ZNF724: variants seen among roughly 807,000 people sequenced by gnomAD.
The protein encoded by ZNF724 is zinc finger protein 724 pseudogene.
Under a neutral mutation model 29.3 loss-of-function variants are expected in ZNF724, and 14 were observed. The ratio of observed to expected loss-of-function variants is 0.48; its 90% confidence interval spans 0.32 to 0.75. ZNF724 has a LOEUF of 0.75. Among genes scored for constraint, ZNF724 ranks in the 30% least tolerant of loss-of-function variants. ZNF724 has a pLI of 0.04. For missense variants in ZNF724, 557 were observed against 571.2 expected (o/e 0.98, Z 0.25); for synonymous variants, 180 against 193.6 (o/e 0.93, Z 0.58).
At chr19:23,243,987 A>G (rs940543238) in intron 1 of ZNF724, among the ~76,000 whole-genome samples, 13 of 151,894 alleles carry the variant, frequency 8.6e-5, no homozygotes, top group Non-Finnish European at 1.9e-4. Flanking sequence ...TGCTATGCTT[A>G]GTATCTTGGT....
chr19:23,246,093 A>G (rs1972228528), intron 1 of ZNF724, among the ~76,000 whole-genome samples: 1 of 152,130 alleles, frequency 6.6e-6, no homozygotes, highest in African/African-American at 2.4e-5. Flanking sequence ...GCTTGGAGTC[A>G]CTGGGCTCAA....
At chr19:23,234,592 C>T (rs1468799209) in intron 1 of ZNF724, among the ~76,000 whole-genome samples, 1 of 152,126 alleles carries the variant, frequency 6.6e-6, no homozygotes, top group East Asian at 1.9e-4. Flanking sequence ...GCTGAGATTA[C>T]AGGCATCTGC....
rs2885604 is a variant in ZNF724, at chr19:23,223,363, T to C, written c.882A>G (p.Ser294=). 664,242 of 768,560 alleles carry C rather than the reference T, an allele frequency of 0.86. 287,410 individuals are homozygous for C. Among genetic ancestry groups the C allele is most frequent in the South Asian group, 0.93 (68,588 of 73,542 alleles). 47.6% of individuals were successfully genotyped at this position (768,560 alleles called of 1,614,324 possible). A position where few individuals can be genotyped will look rare whatever the true frequency, so the allele number is the denominator to read the frequency against. The change falls in exon 4 of 4, where the codon TCA becomes TCG. Residue 294 remains serine, a synonymous_variant. Transcript: ENST00000418100. ...TTATCTTATGTCTAGTAAGGGTTGA[T>C]GATTGGTTAAAAGCTTTGCCACATT... ...CKECGKAFNQ[S]STLTRHKIIH... is the part of the protein sequence containing the mutation.
At chr19:23,242,070 T>C (rs1042566937) in intron 1 of ZNF724, among the ~76,000 whole-genome samples, 15 of 152,074 alleles carry the variant, frequency 9.9e-5, no homozygotes, top group African/African-American at 3.6e-4. Flanking sequence ...AAGTAGCACC[T>C]CTATACATCA....
intron 1 of ZNF724, among the ~76,000 whole-genome samples, chr19:23,248,620 A>G (rs1416884228): frequency 2.6e-5 from 4 of 151,798 alleles, no homozygotes; most frequent in African/African-American, 7.3e-5. Context: ...TAGAGGAAAC[A>G]AAATTCAGGC....
Position 23,246,359 on chromosome 19 carries a change from T to C in ZNF724, c.3+3881A>G, listed in dbSNP as rs1229653841. On this transcript the variant is annotated intron_variant, in intron 1 of 3. Coordinates refer to ENST00000418100, the MANE Select transcript of ZNF724 (RefSeq NM_001355404.2). ...CTCTAGGAGGTACCAAGTTTTGTCTTATAAAATTTAGCATCGGCCGGGCGC... is the reference window on the plus strand; with the variant it reads ...CTCTAGGAGGTACCAAGTTTTGTCTCATAAAATTTAGCATCGGCCGGGCGC... Among the ~76,000 whole-genome samples the C allele has an allele frequency of 3.9e-5, 6 of 152,118 alleles. No homozygotes were observed. The East Asian group carries it at 9.6e-4, about 24-fold the overall frequency.
intron 3 of ZNF724, among the ~76,000 whole-genome samples, chr19:23,230,549 AACC>A: frequency 6.6e-6 from 1 of 152,324 alleles, no homozygotes; most frequent in Admixed American, 6.5e-5. Context: ...ATGAAACAGA[AACC>A]ACTACTCTCA....
chr19:23,249,533 G>T (rs1206754190), intron 1 of ZNF724, among the ~76,000 whole-genome samples: 2 of 152,004 alleles, frequency 1.3e-5, no homozygotes, highest in Admixed American at 6.6e-5. Context: ...TGAGTAGCTG[G>T]GATTACAGGA....
intron 3 of ZNF724, among the ~76,000 whole-genome samples, chr19:23,227,920 G>C (rs1971867467): frequency 6.6e-6 from 1 of 151,944 alleles, no homozygotes; most frequent in African/African-American, 2.4e-5. Context: ...AAAATGAATA[G>C]AGTGACATTA....
intron 1 of ZNF724, among the ~76,000 whole-genome samples, chr19:23,245,210 AAAATACTACTTAATC>A (rs1246827165): frequency 6.6e-6 from 1 of 152,222 alleles, no homozygotes; most frequent in Admixed American, 6.5e-5. Flanking sequence ...TGGTCAAAAT[AAAATACTACTTAATC>A]AAACAAGTTT....
intron 2 of ZNF724, 29 bp downstream of exon 2, chr19:23,232,138 T>C (rs1447740114): frequency 7.8e-7 from 1 of 1,275,990 alleles, no homozygotes; most frequent in Admixed American, 1.8e-5. Flanking sequence ...TAGGGTAGAT[T>C]AGGAATTGTG....
At chr19:23,241,108 T>C (rs1972116652) in intron 1 of ZNF724, among the ~76,000 whole-genome samples, 1 of 151,546 alleles carries the variant, frequency 6.6e-6, no homozygotes, top group Non-Finnish European at 1.5e-5. Flanking sequence ...TACAAATAGC[T>C]ATTGAAGTTT....
At chr19:23,232,621 T>G (rs1322184726) in intron 1 of ZNF724, among the ~76,000 whole-genome samples, 1 of 151,826 alleles carries the variant, frequency 6.6e-6, no homozygotes, top group Non-Finnish European at 1.5e-5. Flanking sequence ...ATGAAAGACA[T>G]GTCGAGTTAC....
intron 1 of ZNF724, among the ~76,000 whole-genome samples, chr19:23,239,719 G>T (rs572937078): frequency 1.3e-5 from 2 of 152,082 alleles, no homozygotes; most frequent in African/African-American, 2.4e-5. Flanking sequence ...GCTGAGGCAG[G>T]AGAATCCCTT....
chr19:23,228,964 G>A (rs921393428), intron 3 of ZNF724, among the ~76,000 whole-genome samples: 1 of 151,910 alleles, frequency 6.6e-6, no homozygotes, highest in Non-Finnish European at 1.5e-5. Context: ...CTGGGGGGCT[G>A]AGGTAGGAGG....
At chr19:23,245,628 T>A (rs929561298) in intron 1 of ZNF724, among the ~76,000 whole-genome samples, 5 of 151,254 alleles carry the variant, frequency 3.3e-5, no homozygotes, top group Admixed American at 2.6e-4. Flanking sequence ...AAAAAAAAAA[T>A]TATCTGATTT....
intron 3 of ZNF724, 164 bp downstream of exon 3, chr19:23,231,102 C>G (rs571805330): frequency 2.1e-6 from 1 of 474,800 alleles, no homozygotes; most frequent in Admixed American, 3.9e-5. Flanking sequence ...AGGCTGGTCT[C>G]GAACACCCGA....
chr19:23,227,561 A>AC (rs1028623035), intron 3 of ZNF724, among the ~76,000 whole-genome samples: 2 of 109,268 alleles, frequency 1.8e-5, no homozygotes, highest in South Asian at 3.2e-4. Flanking sequence ...ATCTCAAAAA[A>AC]AAAAAAAAAC....
chr19:23,247,911 A>G (rs1402257602), intron 1 of ZNF724, among the ~76,000 whole-genome samples: 3 of 152,178 alleles, frequency 2.0e-5, no homozygotes, highest in Non-Finnish European at 4.4e-5. Context: ...TACACTCCAT[A>G]CCTCAGCTTG....
Sources: allele counts gnomAD v4.1 joint callset (sites outside exome capture counted in the v4.1 genomes callset), GRCh38; gene constraint gnomAD v4.1.1; transcripts MANE v1.5; gene names NCBI Gene and HGNC (gene_info 2026-07-23, HGNC 2026-07-21).